The following AR variants were observed in gnomAD, a reference collection of about 807,000 sequenced individuals.
AR encodes dihydrotestosterone receptor.
A neutral mutation model predicts 53.9 loss-of-function variants in AR; 8 were observed. The ratio of observed to expected loss-of-function variants is 0.15; its 90% confidence interval spans 0.09 to 0.27. The LOEUF is 0.27. AR is among the 10% of genes least tolerant of loss of function. AR has a pLI of 1.00. For missense variants in AR, 639 were observed against 742.5 expected (o/e 0.86, Z 1.62); for synonymous variants, 359 against 316.4 (o/e 1.13, Z -1.43).
chrX:67,659,237 T>C (rs950043274), intron 2 of AR, among the ~76,000 whole-genome samples: 1 of 110,918 alleles, frequency 9.0e-6, no homozygotes, highest in African/African-American at 3.3e-5. Context: ...TTTTTTATAC[T>C]TTAAGTTTTA....
intron 3 of AR, chrX:67,696,063 C>A (rs1166668766): frequency 1.3e-6 from 1 of 743,749 alleles, no homozygotes; most frequent in Non-Finnish European, 1.6e-6. Flanking sequence ...CTTAATAAAG[C>A]CATTAATACA....
At chrX:67,634,982 C>T (rs1294074102) in intron 1 of AR, among the ~76,000 whole-genome samples, 1 of 109,959 alleles carries the variant, frequency 9.1e-6, no homozygotes, top group South Asian at 3.9e-4. Context: ...TACATGTTTA[C>T]CCTTGCCTTC....
intron 1 of AR, among the ~76,000 whole-genome samples, chrX:67,631,179 G>A (rs1160486939): frequency 3.6e-5 from 4 of 111,271 alleles, no homozygotes; most frequent in East Asian, 2.8e-4. Flanking sequence ...GAATCTGAAT[G>A]TTGGCCTGCC....
chrX:67,604,757 T>C (rs766702802), intron 1 of AR, among the ~76,000 whole-genome samples: 1 of 112,074 alleles, frequency 8.9e-6, no homozygotes, highest in East Asian at 2.8e-4. Flanking sequence ...TTTTAATGTT[T>C]GAAATCCTCA....
chrX:67,567,245 C>T (rs1281867266), intron 1 of AR, among the ~76,000 whole-genome samples: 2 of 111,263 alleles, frequency 1.8e-5, no homozygotes, highest in Non-Finnish European at 3.8e-5. Context: ...CTCTTAAGTG[C>T]CTTATTTAAC....
chrX:67,607,940 T>G (rs769817307), intron 1 of AR, among the ~76,000 whole-genome samples: 1 of 112,028 alleles, frequency 8.9e-6, no homozygotes, highest in East Asian at 2.8e-4. Flanking sequence ...CATCTAGTTC[T>G]GTTGCCCATG....
intron 2 of AR, among the ~76,000 whole-genome samples, chrX:67,659,163 G>A (rs1356445247): frequency 1.8e-5 from 2 of 111,245 alleles, no homozygotes; most frequent in Admixed American, 1.9e-4. Flanking sequence ...AAGTCAGATA[G>A]CGTTTTCCAG....
chrX:67,707,743 G>A (rs2076075232), intron 3 of AR, among the ~76,000 whole-genome samples: 1 of 111,985 alleles, frequency 8.9e-6, no homozygotes, highest in South Asian at 3.7e-4. Flanking sequence ...AGCCTCGATG[G>A]TCTTTACAAT....
chrX:67,685,493 A>G (rs181136772), intron 2 of AR, among the ~76,000 whole-genome samples: 76 of 111,583 alleles, frequency 6.8e-4, no homozygotes, highest in African/African-American at 2.2e-3. Flanking sequence ...CAGCAATCTA[A>G]AAACAGTTAG....
intron 2 of AR, 49 bp from the exon 3 acceptor site, chrX:67,685,961 T>A (rs1602255327): frequency 7.5e-6 from 9 of 1,207,340 alleles, no homozygotes; most frequent in Non-Finnish European, 1.0e-5. Flanking sequence ...AGAAAGAGAC[T>A]CTGGAAACTC....
intron 3 of AR, among the ~76,000 whole-genome samples, chrX:67,696,337 T>A: frequency 9.0e-6 from 1 of 111,289 alleles, no homozygotes; most frequent in Non-Finnish European, 1.9e-5. Flanking sequence ...TGCAATTTCA[T>A]ATGAGCAGGT....
rs750270577 is a variant in AR at position 67,581,689 on chromosome X, G to A, written c.1616+34927G>A. 3.9e-4 allele frequency among the ~76,000 whole-genome samples: 43 copies of A among 111,471 alleles called. 1 individual carries two copies. Among genetic ancestry groups the A allele is most frequent in the South Asian group, 2.6e-3 (7 of 2,663 alleles). On this transcript the variant is annotated intron_variant, in intron 1 of 7. Transcript: ENST00000374690. ...CGATATTCAAGATATTAACATATCC[G>A]CATTTTATAAATGAGGAAACTGCTC...
chrX:67,661,132 C>G (rs1379384558), intron 2 of AR, among the ~76,000 whole-genome samples: 3 of 111,558 alleles, frequency 2.7e-5, no homozygotes, highest in Non-Finnish European at 5.6e-5. Flanking sequence ...ATGGGGTTTT[C>G]TAGGTATACA....
At chrX:67,651,867 T>G (rs1434128263) in intron 2 of AR, among the ~76,000 whole-genome samples, 1 of 111,818 alleles carries the variant, frequency 8.9e-6, no homozygotes, top group Non-Finnish European at 1.9e-5. Flanking sequence ...CTGATTCTGA[T>G]GAGACCCAGC....
At chrX:67,708,680 TGAG>T (rs1232750155) in intron 3 of AR, among the ~76,000 whole-genome samples, 2 of 112,526 alleles carry the variant, frequency 1.8e-5, no homozygotes, top group East Asian at 5.6e-4. Context: ...CTGTTGCTGG[TGAG>T]GAGCTGTGTT....
chrX:67,644,732 C>A (rs1344425542), intron 2 of AR, among the ~76,000 whole-genome samples: 1 of 111,380 alleles, frequency 9.0e-6, no homozygotes, highest in East Asian at 2.8e-4. Flanking sequence ...TCTTCCAGTC[C>A]TCAGGGCCTA....
chrX:67,562,033 G>A (rs148268506), intron 1 of AR, among the ~76,000 whole-genome samples: 1,359 of 98,217 alleles, frequency 0.014, 33 homozygotes, highest in African/African-American at 0.048. Context: ...CTCGCCTCCC[G>A]GGTTCAAGTG....
Position 67,589,494 on chromosome X carries a change from T to C in AR, c.1616+42732T>C, listed in dbSNP as rs146830480. 9.8e-5 allele frequency among the ~76,000 whole-genome samples: 11 copies of C among 111,850 alleles called. No homozygotes were observed. The East Asian group carries it at 3.1e-3, about 32-fold the overall frequency. On this transcript the variant is annotated intron_variant, in intron 1 of 7. Coordinates refer to ENST00000374690, the MANE Select transcript of AR (RefSeq NM_000044.6). Reference sequence around the variant, plus strand: ...ACATGAATTTGGGAGTAGACTTGCATTGGCCTTTGTCCTGACAGCCAACAG... The same window carrying C: ...ACATGAATTTGGGAGTAGACTTGCACTGGCCTTTGTCCTGACAGCCAACAG...
chrX:67,621,800 C>T (rs746877847), intron 1 of AR, among the ~76,000 whole-genome samples: 2 of 111,323 alleles, frequency 1.8e-5, no homozygotes, highest in East Asian at 2.8e-4. Context: ...TAAGAAGGCC[C>T]CCTAGTGAAG....
Sources: allele counts gnomAD v4.1 joint callset (sites outside exome capture counted in the v4.1 genomes callset), GRCh38; gene constraint gnomAD v4.1.1; transcripts MANE v1.5; gene names NCBI Gene and HGNC (gene_info 2026-07-23, HGNC 2026-07-21).